Variants in CADM2 observed in about 807,000 individuals in gnomAD.
CADM2 encodes the protein immunoglobulin superfamily member 4D.
CADM2 carries 12 observed loss-of-function variants against 49.8 expected under a neutral mutation model. That is an observed-to-expected ratio of 0.24 (90% CI 0.15 to 0.39). The LOEUF (loss-of-function observed/expected upper bound fraction) is 0.39. Among genes scored for constraint, CADM2 ranks in the 10% least tolerant of loss-of-function variants. The probability of loss-of-function intolerance (pLI) is 1.00; values close to 1 mark genes in which losing one functional copy is unlikely to be tolerated. For synonymous variants in CADM2, 214 were observed against 175.4 expected (o/e 1.22, Z -1.74); for missense variants, 378 against 492.3 (o/e 0.77, Z 2.20).
At position 85,612,327 on chromosome 3, in the gene CADM2, C is replaced by G. The variant is rs187595740; in HGVS notation, c.62-114195C>G. 1.4e-3 allele frequency among the ~76,000 whole-genome samples: 220 copies of G among 151,992 alleles called. 3 individuals carry two copies. Among genetic ancestry groups the G allele is most frequent in the Non-Finnish European group, 2.7e-3 (182 of 67,826 alleles). On this transcript the variant is annotated intron_variant, in intron 1 of 9. Coordinates refer to ENST00000383699, the MANE Select transcript of CADM2 (RefSeq NM_001167675.2). ...AATGTTCTTTCCACAGATTTCCATG[C>G]ATTGCAAAAGTTGAAATGTTTCCTA...
At chr3:85,067,437 T>C (rs1171643862) in intron 1 of CADM2, among the ~76,000 whole-genome samples, 1 of 152,158 alleles carries the variant, frequency 6.6e-6, no homozygotes, top group African/African-American at 2.4e-5. Context: ...TTATTTTTGC[T>C]TGGAAGGTTA....
intron 2 of CADM2, among the ~76,000 whole-genome samples, chr3:85,784,695 G>A (rs560443719): frequency 7.9e-5 from 12 of 152,128 alleles, no homozygotes; most frequent in African/African-American, 2.6e-4. Context: ...GTTCTAATCC[G>A]ATATGGATTT....
At chr3:85,039,633 T>A (rs2035359616) in intron 1 of CADM2, among the ~76,000 whole-genome samples, 1 of 152,230 alleles carries the variant, frequency 6.6e-6, no homozygotes, top group Non-Finnish European at 1.5e-5. Context: ...TATTTTCTTT[T>A]TAGTCCCATG....
Position 85,005,365 on chromosome 3 carries a change from T to G in CADM2, c.61+45697T>G, listed in dbSNP as rs114631625. Reference sequence around the variant, plus strand: ...CTCTGGCTGTAGTTTGCCTCATGGATCATGGCTAATGGAATTAAAACTGCA... The same window carrying G: ...CTCTGGCTGTAGTTTGCCTCATGGAGCATGGCTAATGGAATTAAAACTGCA... On this transcript the variant is annotated intron_variant, in intron 1 of 9. Coordinates refer to ENST00000383699, the MANE Select transcript of CADM2 (RefSeq NM_001167675.2). 6.3e-3 allele frequency among the ~76,000 whole-genome samples: 965 copies of G among 152,244 alleles called. 14 individuals carry two copies. The highest frequency in any genetic ancestry group is 0.022 in the African/African-American group (923 of 41,558).
intron 1 of CADM2, among the ~76,000 whole-genome samples, chr3:85,503,730 G>C (rs1381741403): frequency 6.6e-6 from 1 of 152,188 alleles, no homozygotes; most frequent in Non-Finnish European, 1.5e-5. Flanking sequence ...GGAAGATCCA[G>C]CTATAAAACT....
At chr3:85,030,314 A>C (rs554412028) in intron 1 of CADM2, among the ~76,000 whole-genome samples, 3 of 152,190 alleles carry the variant, frequency 2.0e-5, no homozygotes, top group Non-Finnish European at 4.4e-5. Context: ...TCTGACCAGA[A>C]ATTTTCATTT....
At chr3:85,019,353 C>T (rs1415364264) in intron 1 of CADM2, among the ~76,000 whole-genome samples, 1 of 152,078 alleles carries the variant, frequency 6.6e-6, no homozygotes, top group Non-Finnish European at 1.5e-5. Context: ...TGTGGTGGTG[C>T]ATGCCTGTTG....
intron 2 of CADM2, among the ~76,000 whole-genome samples, chr3:85,786,004 C>T (rs1024523733): frequency 2.0e-5 from 3 of 152,066 alleles, no homozygotes; most frequent in East Asian, 1.9e-4. Flanking sequence ...TCAGGAGTTC[C>T]GGATACTAGA....
intron 1 of CADM2, among the ~76,000 whole-genome samples, chr3:85,282,020 A>G (rs2043511849): frequency 6.6e-6 from 1 of 152,128 alleles, no homozygotes; most frequent in African/African-American, 2.4e-5. Context: ...ACAATAAGCC[A>G]TCTTATATTA....
intron 1 of CADM2, among the ~76,000 whole-genome samples, chr3:85,521,964 G>A (rs760141123): frequency 3.3e-5 from 5 of 152,112 alleles, no homozygotes; most frequent in African/African-American, 7.2e-5. Flanking sequence ...TTTCTGGGGC[G>A]TGCTAGCTAG....
intron 1 of CADM2, among the ~76,000 whole-genome samples, chr3:85,417,149 T>TC: frequency 6.6e-6 from 1 of 152,280 alleles, no homozygotes; most frequent in South Asian, 2.1e-4. Flanking sequence ...AGCTTTGGGT[T>TC]TTAAATTTTT....
intron 1 of CADM2, among the ~76,000 whole-genome samples, chr3:85,516,089 T>A (rs1005441022): frequency 6.6e-6 from 1 of 152,142 alleles, no homozygotes; most frequent in Non-Finnish European, 1.5e-5. Flanking sequence ...GTTAATAATA[T>A]TCATGATCAT....
At chr3:85,879,503 A>G (rs141298670) in intron 3 of CADM2, among the ~76,000 whole-genome samples, 1 of 152,230 alleles carries the variant, frequency 6.6e-6, no homozygotes, top group Non-Finnish European at 1.5e-5. Flanking sequence ...TATATTTTAT[A>G]ATTATCTGCT....
intron 1 of CADM2, among the ~76,000 whole-genome samples, chr3:85,114,503 G>A (rs1435147252): frequency 1.3e-5 from 2 of 152,162 alleles, no homozygotes; most frequent in Non-Finnish European, 2.9e-5. Context: ...TACCTGAACA[G>A]TAATTAACAT....
At chr3:85,616,217 A>C (rs1429793820) in intron 1 of CADM2, among the ~76,000 whole-genome samples, 2 of 151,368 alleles carry the variant, frequency 1.3e-5, no homozygotes, top group Non-Finnish European at 2.9e-5. Flanking sequence ...TAGAATAAAA[A>C]CTGTTTACAA....
intron 1 of CADM2, among the ~76,000 whole-genome samples, chr3:85,398,695 A>G (rs1057031443): frequency 6.6e-6 from 1 of 152,122 alleles, no homozygotes; most frequent in African/African-American, 2.4e-5. Flanking sequence ...AATGATCGCC[A>G]TTGTAACTGG....
chr3:85,353,121 T>A (rs2031511776), intron 1 of CADM2, among the ~76,000 whole-genome samples: 1 of 152,242 alleles, frequency 6.6e-6, no homozygotes, highest in East Asian at 1.9e-4. Context: ...CAGCTTGGAT[T>A]ATTTTTTCTT....
rs538977490 is a variant in CADM2 at position 85,664,758 on chromosome 3, C to T, written c.62-61764C>T. On this transcript the variant is annotated intron_variant, in intron 1 of 9. Transcript: ENST00000383699. ...TCCAACCTAGAGTCCTTAGATCAGA[C>T]ATTTGCTGTCTCTTATCCCATCTGC... Among the ~76,000 whole-genome samples the T allele has an allele frequency of 1.3e-5, 2 of 152,052 alleles. 1 individual carries two copies. Among genetic ancestry groups the T allele is most frequent in the Admixed American group, 1.3e-4 (2 of 15,222 alleles).
chr3:85,770,295 G>A (rs1262746522), intron 2 of CADM2, among the ~76,000 whole-genome samples: 1 of 152,038 alleles, frequency 6.6e-6, no homozygotes, highest in Admixed American at 6.6e-5. Context: ...TGAAGCACAG[G>A]TAATGACATA....
Sources: gnomAD v4.1 joint callset for allele counts (sites outside exome capture counted in the v4.1 genomes callset) on GRCh38, gnomAD v4.1.1 for gene constraint, MANE v1.5 for transcripts, NCBI Gene and HGNC (gene_info 2026-07-23, HGNC 2026-07-21) for gene names.